The following IRF1 variants were observed in gnomAD, a reference collection of about 807,000 sequenced individuals.
The protein encoded by IRF1 is interferon regulatory factor 1.
In IRF1, 13 loss-of-function variants were observed where a neutral mutation model predicts 43.7. The observed-to-expected ratio is 0.30, with a 90% confidence interval of 0.19 to 0.47. The LOEUF is 0.47. IRF1 is among the 20% of genes least tolerant of loss of function. IRF1 has a pLI of 0.99. For synonymous variants in IRF1, 138 were observed against 146.8 expected (o/e 0.94, Z 0.43); for missense variants, 236 against 408.9 (o/e 0.58, Z 3.65).
intron 8 of IRF1, chr5:132,485,321 T>G: frequency 3.7e-6 from 1 of 269,508 alleles, no homozygotes. Flanking sequence ...TAAAGGCTGA[T>G]TATTGAAGCC....
chr5:132,483,958 G>A lies in IRF1; in HGVS notation c.971C>T (p.Ala324Val). The A allele has an allele frequency of 6.2e-7, 1 of 1,613,298 alleles. No individual in the cohort carries two copies. The highest frequency in any genetic ancestry group is 8.5e-7 in the Non-Finnish European group (1 of 1,179,976). ...AGGGGCCCAGGGGCCCTGCTACGGT[G>A]CACAGGGAATGGCCTGGATGGAGGG... ...RLPSIQAIPCAP is the reference protein window; with the variant it reads ...RLPSIQAIPCVP Residue 324 changes from alanine to valine, a missense_variant, in exon 10 of 10, where the codon GCA (alanine) becomes GTA (valine). Ala to Val is a moderately conservative substitution (Grantham distance 64, BLOSUM62 0). Coordinates refer to ENST00000245414, the MANE Select transcript of IRF1 (RefSeq NM_002198.3).
In IRF1 at chr5:132,483,868, A is replaced by G. The variant is rs1754449859; in HGVS notation, c.*83T>C. 5.1e-6 allele frequency: 8 copies of G among 1,554,978 alleles called. No individual in the cohort carries two copies. Among genetic ancestry groups the G allele is most frequent in the Non-Finnish European group, 7.0e-6 (8 of 1,139,996 alleles). Reference sequence around the variant, plus strand: ...CACACTTGGCTGTTGAGGGGCCCACAGAAGTCCAGCTTCTCTGCACCATAT... The same window carrying G: ...CACACTTGGCTGTTGAGGGGCCCACGGAAGTCCAGCTTCTCTGCACCATAT... On this transcript the variant is annotated 3_prime_UTR_variant, in exon 10 of 10. Coordinates refer to ENST00000245414, the MANE Select transcript of IRF1 (RefSeq NM_002198.3).
At chr5:132,484,254 A>G in intron 9 of IRF1, 108 bp downstream of exon 9, 2 of 1,466,920 alleles carry the variant, frequency 1.4e-6, no homozygotes, top group Non-Finnish European at 1.9e-6. Context: ...ATGTGTCAGT[A>G]CCCCAGATGC....
intron 3 of IRF1, chr5:132,487,584 G>T (rs1161848103): frequency 5.3e-6 from 2 of 378,886 alleles, no homozygotes; most frequent in Middle Eastern, 7.7e-4. Context: ...CTTGGACCAA[G>T]GGCCTTGGTC....
chr5:132,484,564 T>G, intron 8 of IRF1, 67 bp from the exon 9 acceptor site: 1 of 1,595,160 alleles, frequency 6.3e-7, no homozygotes, highest in East Asian at 2.2e-5. Flanking sequence ...GGCCCTGCCC[T>G]CAATGAGCCA....
rs1754700824 is a variant in IRF1 at position 132,490,761 on chromosome 5, A to G, written c.-222T>C. The G allele has an allele frequency of 6.6e-6, 1 of 152,034 alleles. No homozygotes were observed. Among genetic ancestry groups the G allele is most frequent in the Admixed American group, 6.5e-5 (1 of 15,286 alleles). The allele number at this position is 152,034 out of a possible 1,614,324, so 9.4% of individuals were successfully genotyped here. A position where few individuals can be genotyped will look rare whatever the true frequency, so the allele number is the denominator to read the frequency against. On this transcript the variant is annotated 5_prime_UTR_variant, in exon 1 of 10. Transcript: ENST00000245414. This position sits in a 1 kb window ranked among gnomAD's most constrained non-coding sequence, Gnocchi z 5.8. ...GGCGCACGTCTTGCCTCGACTAAGG[A>G]GTGGCGAGCTCTGCCAGGGCAGCGG...
chr5:132,487,798 C>G, intron 3 of IRF1, 128 bp downstream of exon 3: 1 of 638,558 alleles, frequency 1.6e-6, no homozygotes, highest in Admixed American at 2.6e-5. Context: ...CCACCAGCCC[C>G]TCTTCCCAGT....
intron 2 of IRF1, 111 bp downstream of exon 2, chr5:132,489,281 A>T: frequency 1.2e-6 from 1 of 842,070 alleles, no homozygotes; most frequent in Non-Finnish European, 2.0e-6. Flanking sequence ...TGGGAGAAAC[A>T]CCTGCTTGTC....
Position 132,482,558 on chromosome 5 carries a change from T to G in IRF1, c.*1393A>C, listed in dbSNP as rs1754408461. 1 of 151,554 alleles carries G rather than the reference T, an allele frequency of 6.6e-6. No homozygotes were observed. The highest frequency in any genetic ancestry group is 2.4e-5 in the African/African-American group (1 of 41,228). The allele number at this position is 151,554 out of a possible 1,614,324, so 9.4% of individuals were successfully genotyped here. On this transcript the variant is annotated 3_prime_UTR_variant, in exon 10 of 10. Coordinates refer to ENST00000245414, the MANE Select transcript of IRF1 (RefSeq NM_002198.3). The stretch of plus-strand genomic sequence containing the variant: ...TAGTAGAGATGAGGTTTCACCATGT[T>G]GGCCAGGCTGGTCTCAAACTCCTGA...
At position 132,490,662 on chromosome 5, in the gene IRF1, G is replaced by C. The variant is rs1053105307; in HGVS notation, c.-123C>G. ...AGAGGGAAGAAGGCAGAGGTTGCCG[G>C]GTTCTTAAGGCCGCCGGGCACGGCC... On this transcript the variant is annotated 5_prime_UTR_variant, in exon 1 of 10. Transcript: ENST00000245414. This position sits in a 1 kb window ranked among gnomAD's most constrained non-coding sequence, Gnocchi z 5.8. 1.3e-5 allele frequency: 2 copies of C among 152,258 alleles called. No homozygotes were observed. The highest frequency in any genetic ancestry group is 2.9e-5 in the Non-Finnish European group (2 of 68,060). The allele number at this position is 152,258 out of a possible 1,614,324, so 9.4% of individuals were successfully genotyped here. A position where few individuals can be genotyped will look rare whatever the true frequency, so the allele number is the denominator to read the frequency against.
intron 7 of IRF1, chr5:132,486,050 C>A (rs1469897276): frequency 5.8e-6 from 4 of 688,652 alleles, no homozygotes; most frequent in Non-Finnish European, 9.9e-6. Context: ...CTCTCACCAG[C>A]CCCCACTGTA....
intron 8 of IRF1, chr5:132,485,372 G>A: frequency 2.5e-6 from 1 of 399,688 alleles, no homozygotes; most frequent in Admixed American, 3.6e-5. Flanking sequence ...GGGCATGTTG[G>A]GGCAGAGGAT....
In IRF1 at chr5:132,487,660, T is replaced by C. The variant is rs1754571502; in HGVS notation, c.187+266A>G. On this transcript the variant is annotated intron_variant, in intron 3 of 9. Coordinates refer to ENST00000245414, the MANE Select transcript of IRF1 (RefSeq NM_002198.3). ...CTGGCTTACAGCTGCTTTTCACAGA[T>C]GCTTTTGCCAGGGAGAACTTTCATC... 3 of 509,520 alleles carry C rather than the reference T, an allele frequency of 5.9e-6. No individual in the cohort carries two copies. In the East Asian group the frequency reaches 1.1e-4, roughly 18 times the overall value. 31.6% of individuals were successfully genotyped at this position (509,520 alleles called of 1,614,324 possible).
chr5:132,489,329 T>C lies in IRF1; in HGVS notation c.87+63A>G. 4.0e-6 allele frequency: 5 copies of C among 1,236,158 alleles called. No individual in the cohort carries two copies. The South Asian group carries it at 4.8e-5, about 12-fold the overall frequency. 76.6% of individuals were successfully genotyped at this position (1,236,158 alleles called of 1,614,324 possible). A position where few individuals can be genotyped will look rare whatever the true frequency, so the allele number is the denominator to read the frequency against. ...CCCTTTTTGAGCTGCATCTGAAGCTTTGGTCCCTCCAGAAGTACATGGGTT... is the reference window on the plus strand; with the variant it reads ...CCCTTTTTGAGCTGCATCTGAAGCTCTGGTCCCTCCAGAAGTACATGGGTT... On this transcript the variant is annotated intron_variant, in intron 2 of 9. Coordinates refer to ENST00000245414, the MANE Select transcript of IRF1 (RefSeq NM_002198.3).
chr5:132,484,147 A>G, intron 9 of IRF1, 72 bp from the exon 10 acceptor site: 1 of 1,580,676 alleles, frequency 6.3e-7, no homozygotes, highest in Non-Finnish European at 8.7e-7. Context: ...CTACCCCTGA[A>G]GGCCATAGAC....
Position 132,486,636 on chromosome 5 carries a change from G to A in IRF1, c.465C>T (p.Ser155=), listed in dbSNP as rs761945866. The change falls in exon 6 of 10, where the codon TCC becomes TCT. Residue 155 remains serine (S), a synonymous_variant. Coordinates refer to ENST00000245414, the MANE Select transcript of IRF1 (RefSeq NM_002198.3). The part of the protein sequence containing the change: ...PDTFSDGLSS[S]TLPDDHSSYT... Reference sequence around the variant, plus strand: ...AGCTGCTGTGGTCATCAGGCAGAGTGGAGCTGCTGAGTCCATCAGAGAAGG... The same window carrying A: ...AGCTGCTGTGGTCATCAGGCAGAGTAGAGCTGCTGAGTCCATCAGAGAAGG... The A allele has an allele frequency of 5.6e-6, 9 of 1,614,200 alleles. No homozygotes were observed. Among genetic ancestry groups the A allele is most frequent in the Non-Finnish European group, 6.8e-6 (8 of 1,180,044 alleles).
chr5:132,486,004 A>G, intron 7 of IRF1: 1 of 605,122 alleles, frequency 1.7e-6, no homozygotes. Flanking sequence ...AAGGAGAACC[A>G]GCACCCCAAA....
chr5:132,485,450 C>CA, intron 8 of IRF1: 1 of 591,888 alleles, frequency 1.7e-6, no homozygotes, highest in Non-Finnish European at 3.1e-6. Context: ...AGGCTTGCTT[C>CA]AGGACGGCCT....
At chr5:132,489,634 TA>T (rs1754647279) in intron 1 of IRF1, 151 bp from the exon 2 acceptor site, 1 of 591,336 alleles carries the variant, frequency 1.7e-6, no homozygotes. Context: ...TGCGCTGGAA[TA>T]AAACTGCTCT....
Sources: allele counts gnomAD v4.1 joint callset, GRCh38; gene constraint gnomAD v4.1.1; non-coding constraint Gnocchi (gnomAD v3.1); transcripts MANE v1.5; gene names NCBI Gene and HGNC (gene_info 2026-07-23, HGNC 2026-07-21).